The following ZFHX3 variants were observed in gnomAD, a reference collection of about 807,000 sequenced individuals.
ZFHX3 encodes zinc finger homeobox protein 3.
Under a neutral mutation model 279.1 loss-of-function variants are expected in ZFHX3, and 42 were observed. The ratio of observed to expected loss-of-function variants is 0.15; its 90% CI spans 0.12 to 0.19. ZFHX3 has a LOEUF of 0.19. Ranked by LOEUF, ZFHX3 falls within the 10% of genes least tolerant of loss-of-function variation. The pLI is 1.00. For synonymous variants in ZFHX3, 2,293 were observed against 1,957.8 expected (o/e 1.17, Z -4.52); for missense variants, 4,981 against 4,754.0 (o/e 1.05, Z -1.40).
At chr16:73,496,743 C>A (rs2019148781) in intron 2 of ZFHX3, among the ~76,000 whole-genome samples, 1 of 152,072 alleles carries the variant, frequency 6.6e-6, no homozygotes. Context: ...CCCAAGAGCT[C>A]TCTTGCCAAA....
At chr16:73,145,327 C>G (rs1356728025) in intron 5 of ZFHX3, among the ~76,000 whole-genome samples, 1 of 152,174 alleles carries the variant, frequency 6.6e-6, no homozygotes, top group East Asian at 1.9e-4. Flanking sequence ...GGGTCCAATG[C>G]CAGGGGCCAA....
chr16:73,468,890 C>T (rs527828924), intron 2 of ZFHX3, among the ~76,000 whole-genome samples: 1 of 152,266 alleles, frequency 6.6e-6, no homozygotes, highest in East Asian at 1.9e-4. Flanking sequence ...ATCAACTGGC[C>T]TCTACCACAA....
chr16:72,862,294 G>A (rs2037908565), intron 4 of ZFHX3, among the ~76,000 whole-genome samples: 1 of 152,148 alleles, frequency 6.6e-6, no homozygotes, highest in East Asian at 1.9e-4. Context: ...CCTACCTTCT[G>A]CCCCAGGGCC....
At chr16:73,721,053 G>T (rs562330916) in intron 1 of ZFHX3, among the ~76,000 whole-genome samples, 1 of 152,156 alleles carries the variant, frequency 6.6e-6, no homozygotes, top group Admixed American at 6.5e-5. Context: ...TCTGGGCAGG[G>T]TCTATGTTTC....
chr16:73,284,941 A>G (rs556307962), intron 4 of ZFHX3, among the ~76,000 whole-genome samples: 4 of 152,310 alleles, frequency 2.6e-5, no homozygotes, highest in East Asian at 1.9e-4. Flanking sequence ...CCTGTGCTCA[A>G]TGGATCCTCC....
intron 1 of ZFHX3, among the ~76,000 whole-genome samples, chr16:73,808,274 G>A (rs1357269936): frequency 6.6e-6 from 1 of 152,240 alleles, no homozygotes; most frequent in Non-Finnish European, 1.5e-5. Context: ...AGAAATAAAT[G>A]TTGTAGGGAG....
chr16:73,487,538 C>A, intron 2 of ZFHX3: 1 of 337,942 alleles, frequency 3.0e-6, no homozygotes, highest in Non-Finnish European at 5.8e-6. Flanking sequence ...GTAGCTGGGA[C>A]CACAGGCACA....
chr16:73,016,915 T>C lies in ZFHX3; in HGVS notation c.-50+30837A>G, dbSNP rs943500142. On this transcript the variant is annotated intron_variant, in intron 1 of 9. Coordinates refer to ENST00000268489, the MANE Select transcript of ZFHX3 (RefSeq NM_006885.4). ...TTGCTGAACACTCCTTATGCCTTAA[T>C]GCACCTTTGAAAAAAAAAAGACTAA... Among the ~76,000 whole-genome samples the C allele has an allele frequency of 1.4e-4, 21 of 148,802 alleles. 1 individual carries two copies. Among genetic ancestry groups the C allele is most frequent in the Admixed American group, 1.4e-3 (20 of 14,176 alleles).
rs189294419 is a variant in ZFHX3 at position 72,896,326 on chromosome 16, C to A, written c.3217-6364G>T. On this transcript the variant is annotated intron_variant, in intron 3 of 9. Coordinates refer to ENST00000268489, the MANE Select transcript of ZFHX3 (RefSeq NM_006885.4). ...CGTCTCAGTTTCGCTGGAAGGGGGA[C>A]ACTCCAATGCTTCTGACACGAAAAC... is the stretch of plus-strand genomic sequence containing the variant. 2.6e-5 allele frequency among the ~76,000 whole-genome samples: 4 copies of A among 152,290 alleles called. No homozygotes were observed. In the East Asian group the frequency reaches 7.7e-4, roughly 29 times the overall value.
chr16:72,868,092 A>G (rs950244039), intron 4 of ZFHX3, among the ~76,000 whole-genome samples: 4 of 152,230 alleles, frequency 2.6e-5, no homozygotes, highest in African/African-American at 9.6e-5. Flanking sequence ...AATACTAAGT[A>G]ATCAGCCAAA....
Position 72,942,962 on chromosome 16 carries a change from G to A in ZFHX3, c.3216+7507C>T, listed in dbSNP as rs553983325. Among the ~76,000 whole-genome samples, 157 of 152,330 alleles carry A rather than the reference G, an allele frequency of 1.0e-3. 1 individual carries two copies. The Middle Eastern group carries it at 0.027, about 26-fold the overall frequency. ...TCCACAGACTCCAAATGCCAGGAAAGAGAGCCAGGCCTTTCCATCCCTTCT... is the reference window on the plus strand; with the variant it reads ...TCCACAGACTCCAAATGCCAGGAAAAAGAGCCAGGCCTTTCCATCCCTTCT... On this transcript the variant is annotated intron_variant, in intron 3 of 9. Transcript: ENST00000268489.
chr16:73,835,458 CTTTTTTTTTTTTTTT>C (rs34127285), intron 1 of ZFHX3, among the ~76,000 whole-genome samples: 22 of 49,538 alleles, frequency 4.4e-4, no homozygotes, highest in African/African-American at 1.5e-3. Context: ...CCCTCTTCTG[CTTTTTTTTTTTTTTT>C]TTTTTTTTTT....
At chr16:72,847,901 T>C (rs936980363) in intron 4 of ZFHX3, among the ~76,000 whole-genome samples, 1 of 151,994 alleles carries the variant, frequency 6.6e-6, no homozygotes, top group Non-Finnish European at 1.5e-5. Context: ...GGGAGGAGGC[T>C]GGGTGCAGCC....
intron 1 of ZFHX3, among the ~76,000 whole-genome samples, chr16:73,760,086 G>C (rs1343139110): frequency 6.6e-6 from 1 of 151,138 alleles, no homozygotes; most frequent in Non-Finnish European, 1.5e-5. Context: ...GAATCAAGTA[G>C]ATACAATAAA....
intron 1 of ZFHX3, among the ~76,000 whole-genome samples, chr16:73,020,864 C>T (rs904655885): frequency 6.6e-6 from 1 of 151,828 alleles, no homozygotes; most frequent in Non-Finnish European, 1.5e-5. Flanking sequence ...CTTCATCCCG[C>T]CCCCCCAATA....
intron 3 of ZFHX3, among the ~76,000 whole-genome samples, chr16:73,437,989 T>C (rs1318814885): frequency 1.3e-5 from 2 of 152,196 alleles, no homozygotes; most frequent in Non-Finnish European, 2.9e-5. Flanking sequence ...AACATCAGTG[T>C]TCAACTTTTT....
chr16:73,469,627 A>ATTT lies in ZFHX3; in HGVS notation c.-1546-13372_-1546-13370dup, dbSNP rs763176124. 4.5e-4 allele frequency among the ~76,000 whole-genome samples: 68 copies of ATTT among 149,980 alleles called. 1 individual carries two copies. The East Asian group carries it at 8.8e-3, about 20-fold the overall frequency. ...GTCCCAACCTCCAATATATATATAT[A>ATTT]TTTTTTTTGAGACAGAATCTCACTC... On this transcript the variant is annotated intron_variant, in intron 2 of 17. Transcript: ENST00000641206.
At chr16:72,964,771 A>C (rs1961752845) in intron 1 of ZFHX3, among the ~76,000 whole-genome samples, 1 of 152,114 alleles carries the variant, frequency 6.6e-6, no homozygotes, top group African/African-American at 2.4e-5. Context: ...CATCACTTTG[A>C]TCCTCATACC....
intron 3 of ZFHX3, among the ~76,000 whole-genome samples, chr16:72,899,533 G>A (rs1388846757): frequency 6.6e-6 from 1 of 152,122 alleles, no homozygotes; most frequent in Non-Finnish European, 1.5e-5. Context: ...AATAGCGTGA[G>A]AACGAACTAA....
Sources: allele counts gnomAD v4.1 joint callset (sites outside exome capture counted in the v4.1 genomes callset), GRCh38; gene constraint gnomAD v4.1.1; transcripts MANE v1.5; gene names NCBI Gene and HGNC (gene_info 2026-07-23, HGNC 2026-07-21).